Variants in SIRPB2 observed in about 807,000 individuals in gnomAD.
SIRPB2 encodes signal regulatory protein beta 2.
A neutral mutation model predicts 27.1 loss-of-function variants in SIRPB2; 18 were observed. The ratio of observed to expected loss-of-function variants is 0.66; its 90% confidence interval spans 0.46 to 0.98. SIRPB2 has a LOEUF of 0.98. Ranked by LOEUF, SIRPB2 falls within the 50% of genes least tolerant of loss-of-function variation. The probability of loss-of-function intolerance (pLI) is 0.00; values close to 1 mark genes in which losing one functional copy is unlikely to be tolerated. For missense variants in SIRPB2, 420 were observed against 417.4 expected (o/e 1.01, Z -0.06); for synonymous variants, 150 against 164.6 (o/e 0.91, Z 0.68).
chr20:1,471,162 T>C (rs569674121), downstream of SIRPB2: 1 of 152,376 alleles, frequency 6.6e-6, no homozygotes, highest in African/African-American at 2.4e-5. Flanking sequence ...AATATTGGCA[T>C]AAGCCTGAAA....
At chr20:1,473,043 T>G (rs918432492), downstream of SIRPB2, 1 of 152,470 alleles carries the variant, frequency 6.6e-6, no homozygotes, top group African/African-American at 2.4e-5. Flanking sequence ...TCCCCTTTGC[T>G]CTGGCAACTT....
chr20:1,480,398 A>T lies in SIRPB2; in HGVS notation c.86-333T>A, dbSNP rs572533606. 6 of 257,424 alleles carry T rather than the reference A, an allele frequency of 2.3e-5. No homozygotes were observed. The South Asian group carries it at 4.1e-4, about 18-fold the overall frequency. 15.9% of individuals were successfully genotyped at this position (257,424 alleles called of 1,614,324 possible). On this transcript the variant is annotated intron_variant, in intron 1 of 4. Coordinates refer to ENST00000359801, the MANE Select transcript of SIRPB2 (RefSeq NM_001122962.2). ...TTGACAGAGGAAACTGAGGGTCCGG[A>T]AAGGTTAGGCAGCTGTCCCAGGATC...
At chr20:1,482,862 C>T (rs1000923618) in intron 1 of SIRPB2, among the ~76,000 whole-genome samples, 7 of 151,828 alleles carry the variant, frequency 4.6e-5, no homozygotes, top group South Asian at 4.2e-4. Context: ...CATTGATTGA[C>T]GCTTAGATTG....
intron 1 of SIRPB2, among the ~76,000 whole-genome samples, chr20:1,486,066 C>A (rs938878662): frequency 8.5e-5 from 12 of 141,790 alleles, no homozygotes; most frequent in Non-Finnish European, 3.0e-5. Flanking sequence ...TTTTTCTTTT[C>A]TTTTCTTTTC....
rs772418380 is a variant in SIRPB2, at chr20:1,477,232, A to G, written c.859+106T>C. 10 of 1,613,042 alleles carry G rather than the reference A, an allele frequency of 6.2e-6. No individual in the cohort carries two copies. In the African/African-American group the frequency reaches 1.2e-4, roughly 19 times the overall value. On this transcript the variant is annotated intron_variant, in intron 4 of 4. Transcript: ENST00000359801. ...AAGTCCTGGGAGCATTCTTGGTGGC[A>G]GGTTAGCCCCAGGAGTCTGGGACTG...
At chr20:1,478,997 C>G in intron 2 of SIRPB2, 1 of 192,106 alleles carries the variant, frequency 5.2e-6, no homozygotes, top group Non-Finnish European at 1.1e-5. Flanking sequence ...AAATGAACTC[C>G]CACGTACAGA....
At chr20:1,476,479 C>G in intron 4 of SIRPB2, 143 bp from the exon 5 acceptor site, 1 of 952,054 alleles carries the variant, frequency 1.1e-6, no homozygotes. Context: ...AAGAGGAGAT[C>G]AAAGACCACC....
Position 1,479,830 on chromosome 20 carries a change from A to C in SIRPB2, c.321T>G (p.Asn107Lys). ...TGTGGATATAGATGGAATAATCACAATTCAGTGGTTCTGATGTCCGTTGGA... is the reference window on the plus strand; with the variant it reads ...TGTGGATATAGATGGAATAATCACACTTCAGTGGTTCTGATGTCCGTTGGA... ...PMIQRTSEPL[N>K]CDYSIYIHNV... The change falls in exon 2 of 5, where the codon AAT becomes AAG. Residue 107 changes from asparagine (N) to lysine (K), a missense_variant. Transcript: ENST00000359801. 1 of 1,614,242 alleles carries C rather than the reference A, an allele frequency of 6.2e-7. No homozygotes were observed.
In SIRPB2 at chr20:1,480,028, C is replaced by T. The variant is rs2090654529; in HGVS notation, c.123G>A (p.Val41=). The T allele has an allele frequency of 1.9e-6, 3 of 1,613,512 alleles. No homozygotes were observed. Among genetic ancestry groups the T allele is most frequent in the Non-Finnish European group, 2.5e-6 (3 of 1,179,754 alleles). ...CCAGCATGGGGCCCTCGGGCTGTAGCACCTGCCAGTCATTCCTGCTGCTCT... is the reference window on the plus strand; with the variant it reads ...CCAGCATGGGGCCCTCGGGCTGTAGTACCTGCCAGTCATTCCTGCTGCTCT... The part of the protein sequence containing the change: ...SGQSSRNDWQ[V]LQPEGPMLVA... The change falls in exon 2 of 5, where the codon GTG becomes GTA. Residue 41 remains valine (V), a synonymous_variant. Transcript: ENST00000359801.
At chr20:1,477,699 G>A (rs535841918) in intron 3 of SIRPB2, among the ~76,000 whole-genome samples, 11 of 152,308 alleles carry the variant, frequency 7.2e-5, no homozygotes, top group Admixed American at 6.5e-4. Context: ...TTTTGAGACG[G>A]AGTTTTGCTC....
intron 1 of SIRPB2, among the ~76,000 whole-genome samples, chr20:1,490,898 C>A (rs2090770765): frequency 6.6e-6 from 1 of 152,176 alleles, no homozygotes; most frequent in South Asian, 2.1e-4. Flanking sequence ...ATAAACTATG[C>A]AGCCGGCCCA....
At chr20:1,472,090 G>A (rs553203859), downstream of SIRPB2, among the ~76,000 whole-genome samples, 4 of 152,294 alleles carry the variant, frequency 2.6e-5, no homozygotes, top group South Asian at 6.2e-4. Context: ...CAGATCTGAA[G>A]GCCCAGGCAG....
At chr20:1,487,212 T>G (rs1362401823) in intron 1 of SIRPB2, among the ~76,000 whole-genome samples, 1 of 152,158 alleles carries the variant, frequency 6.6e-6, no homozygotes, top group Non-Finnish European at 1.5e-5. Context: ...TTTCCAGTCA[T>G]CAATGTTATA....
intron 1 of SIRPB2, among the ~76,000 whole-genome samples, chr20:1,488,215 A>G (rs1032504741): frequency 6.6e-6 from 1 of 152,224 alleles, no homozygotes; most frequent in Non-Finnish European, 1.5e-5. Flanking sequence ...TTGTATCCAT[A>G]ATATATAACG....
At chr20:1,478,655 C>A in intron 2 of SIRPB2, 48 bp from the exon 3 acceptor site, 1 of 1,441,602 alleles carries the variant, frequency 6.9e-7, no homozygotes, top group Admixed American at 2.4e-5. Context: ...CCTCTTCCAT[C>A]GTTCACTCAT....
chr20:1,482,166 G>C (rs988684077), intron 1 of SIRPB2, among the ~76,000 whole-genome samples: 1 of 152,192 alleles, frequency 6.6e-6, no homozygotes, highest in Non-Finnish European at 1.5e-5. Context: ...GGAGAAATGT[G>C]AGTTTACTAC....
chr20:1,487,292 T>TA (rs1442701466), intron 1 of SIRPB2, among the ~76,000 whole-genome samples: 5 of 152,008 alleles, frequency 3.3e-5, no homozygotes, highest in South Asian at 2.1e-4. Context: ...ATTGCTAAGA[T>TA]AAAAAAAATC....
intron 1 of SIRPB2, among the ~76,000 whole-genome samples, chr20:1,482,807 G>A (rs749165149): frequency 6.6e-6 from 1 of 151,764 alleles, no homozygotes; most frequent in Non-Finnish European, 1.5e-5. Flanking sequence ...CATTGTGGGT[G>A]TGCTTGGGGA....
Position 1,476,063 on chromosome 20 carries a change from A to G in SIRPB2, c.*104T>C, listed in dbSNP as rs951482509. ...AGATGTAGGGATCTAGGAGTTTGTCATGAGGCCTGGGGGCACCTAGAGGCT... is the reference window on the plus strand; with the variant it reads ...AGATGTAGGGATCTAGGAGTTTGTCGTGAGGCCTGGGGGCACCTAGAGGCT... On this transcript the variant is annotated 3_prime_UTR_variant, in exon 5 of 5. Coordinates refer to ENST00000359801, the MANE Select transcript of SIRPB2 (RefSeq NM_001122962.2). 3.2e-5 allele frequency: 43 copies of G among 1,342,224 alleles called. No homozygotes were observed. The African/African-American group carries it at 4.9e-4, about 15-fold the overall frequency. 83.1% of individuals were successfully genotyped at this position (1,342,224 alleles called of 1,614,324 possible). A position where few individuals can be genotyped will look rare whatever the true frequency, so the allele number is the denominator to read the frequency against.
Sources: gnomAD v4.1 joint callset for allele counts (sites outside exome capture counted in the v4.1 genomes callset) on GRCh38, gnomAD v4.1.1 for gene constraint, MANE v1.5 for transcripts, NCBI Gene and HGNC (gene_info 2026-07-23, HGNC 2026-07-21) for gene names.